ITPR3: variants seen among roughly 807,000 people sequenced by gnomAD.
The protein encoded by ITPR3 is inositol 1,4,5-trisphosphate receptor type 3, also known as inositol 1,4,5-trisphosphate-gated calcium channel ITPR3.
A neutral mutation model predicts 293.2 loss-of-function variants in ITPR3; 173 were observed. The ratio of observed to expected loss-of-function variants is 0.59; its 90% CI spans 0.52 to 0.67. The LOEUF (loss-of-function observed/expected upper bound fraction) is 0.67. ITPR3 is among the 30% of genes least tolerant of loss of function. ITPR3 has a pLI of 0.00. For synonymous variants in ITPR3, 1,295 were observed against 1,444.4 expected, an observed-to-expected ratio of 0.90 and a Z score of 2.35; for missense variants, 2,796 against 3,592.1, an observed-to-expected ratio of 0.78 and a Z score of 5.66.
Position 33,667,178 on chromosome 6 carries a change from C to G in ITPR3, c.1601C>G (p.Pro534Arg). The G allele has an allele frequency of 2.5e-6, 4 of 1,614,134 alleles. No individual in the cohort carries two copies. The highest frequency in any genetic ancestry group is 1.3e-5 in the African/African-American group (1 of 75,026). The stretch of plus-strand genomic sequence containing the variant: ...TTCCGTGAGAAGGGGGGTGAAGGTC[C>G]CCTGGTGCGGCTGGAGGAGCTGTCA... Reference protein sequence around the residue: ...APFREKGGEGPLVRLEELSDQ... With the variant: ...APFREKGGEGRLVRLEELSDQ... The change falls in exon 15 of 58, where the codon CCC becomes CGC. Residue 534 changes from proline to arginine, a missense_variant. By Grantham distance (103) the Pro-to-Arg change is moderately radical (BLOSUM62 -2). Transcript: ENST00000605930. This position sits in a 1 kb window ranked among gnomAD's most constrained non-coding sequence, Gnocchi z 4.4.
Position 33,682,524 on chromosome 6 carries a change from A to G in ITPR3, c.4477A>G (p.Thr1493Ala). 6.6e-7 allele frequency: 1 copy of G among 1,521,932 alleles called. No individual in the cohort carries two copies. The highest frequency in any genetic ancestry group is 8.8e-7 in the Non-Finnish European group (1 of 1,133,176). 94.3% of individuals were successfully genotyped at this position (1,521,932 alleles called of 1,614,324 possible). The change falls in exon 34 of 58, where the codon ACA becomes GCA. Residue 1493 changes from threonine to alanine, a missense_variant and splice_region_variant. By Grantham distance (58) the Thr-to-Ala change is moderately conservative (BLOSUM62 0). Around this residue, in one of 8 missense-constraint regions of ITPR3, gnomAD observed 704 missense variants for 797.5 expected, o/e 0.88. Transcript: ENST00000605930. This position sits in a 1 kb window ranked among gnomAD's most constrained non-coding sequence, Gnocchi z 5.4. ...CAGCGGGCTCTGTGACTTCTTGCAG[A>G]CACACCAGACGATTGTGGTGCAGCT... is the stretch of plus-strand genomic sequence containing the variant. The part of the protein sequence containing the change: ...PFSENSTSLQ[T>A]HQTIVVQLLQ...
intron 2 of ITPR3, among the ~76,000 whole-genome samples, chr6:33,646,071 C>T (rs953298673): frequency 3.3e-5 from 5 of 152,000 alleles, no homozygotes; most frequent in Admixed American, 6.6e-5. Context: ...CTCCTGACCC[C>T]GTGATCCACC....
intron 2 of ITPR3, among the ~76,000 whole-genome samples, chr6:33,646,831 C>T (rs1013321740): frequency 2.6e-5 from 4 of 151,910 alleles, no homozygotes; most frequent in South Asian, 2.1e-4. Context: ...GTGGGAGGAT[C>T]GCATGAGGCC....
chr6:33,683,437 T>A lies in ITPR3; in HGVS notation c.4788+40T>A, dbSNP rs1482920477. 1 of 1,444,112 alleles carries A rather than the reference T, an allele frequency of 6.9e-7. No individual in the cohort carries two copies. The highest frequency in any genetic ancestry group is 2.4e-5 in the Admixed American group (1 of 42,090). 89.5% of individuals were successfully genotyped at this position (1,444,112 alleles called of 1,614,324 possible). The stretch of plus-strand genomic sequence containing the variant: ...GCCTGGCATCTGCCTCGGGAGCTGC[T>A]TGGTTGAGTCAGCAGCTCCCCTACT... On this transcript the variant is annotated intron_variant, in intron 35 of 57. Coordinates refer to ENST00000605930, the MANE Select transcript of ITPR3 (RefSeq NM_002224.4). The surrounding 1 kb of genome is among the most constrained non-coding windows in gnomAD (Gnocchi z 4.5).
chr6:33,637,509 C>A (rs6913427), intron 1 of ITPR3, among the ~76,000 whole-genome samples: 13,987 of 152,248 alleles, frequency 0.092, 712 homozygotes, highest in Non-Finnish European at 0.12. Context: ...CGCTCTTTTG[C>A]CCAGGCTGGA....
At chr6:33,650,932 C>T (rs951588918) in intron 2 of ITPR3, among the ~76,000 whole-genome samples, 1 of 151,984 alleles carries the variant, frequency 6.6e-6, no homozygotes, top group African/African-American at 2.4e-5. Context: ...GTCTGGTTCC[C>T]AAGGATCCCT....
At chr6:33,673,469 C>G (rs1764821727) in intron 22 of ITPR3, 122 bp from the exon 23 acceptor site, 9 of 1,266,612 alleles carry the variant, frequency 7.1e-6, no homozygotes, top group Non-Finnish European at 1.0e-5. Flanking sequence ...GACCCTGCTG[C>G]CCCAAGTGCT....
chr6:33,622,963 C>T (rs1186033977), intron 1 of ITPR3, among the ~76,000 whole-genome samples: 3 of 152,196 alleles, frequency 2.0e-5, no homozygotes, highest in Admixed American at 6.5e-5. Flanking sequence ...CCCCTTCACA[C>T]GTGGAATCCC....
intron 50 of ITPR3, 45 bp downstream of exon 50, chr6:33,689,455 A>G: frequency 6.3e-7 from 1 of 1,595,318 alleles, no homozygotes; most frequent in Non-Finnish European, 8.5e-7. Context: ...GCTCATGCTC[A>G]CTGTGCATTC....
intron 1 of ITPR3, among the ~76,000 whole-genome samples, chr6:33,628,686 C>T (rs1399887204): frequency 6.6e-6 from 1 of 152,150 alleles, no homozygotes; most frequent in Admixed American, 6.5e-5. Flanking sequence ...AGACTCATTG[C>T]AGAGGCTTCA....
chr6:33,644,861 A>T (rs1384292158), intron 2 of ITPR3, among the ~76,000 whole-genome samples: 1 of 151,112 alleles, frequency 6.6e-6, no homozygotes, highest in Non-Finnish European at 1.5e-5. Context: ...ATGGGGTTTC[A>T]TCATGTTGGC....
At position 33,693,363 on chromosome 6, in the gene ITPR3, A is replaced by T. The variant is rs376529260; in HGVS notation, c.7625-182A>T. ...AGGGCTGCAGCTGCGGCAGGGCAGG[A>T]TCTCCACTAAGTGGCTGCTGCTTTA... On this transcript the variant is annotated intron_variant, in intron 55 of 57. Transcript: ENST00000605930. Among the ~76,000 whole-genome samples the T allele has an allele frequency of 1.1e-4, 16 of 152,256 alleles. No homozygotes were observed. The East Asian group carries it at 2.7e-3, about 26-fold the overall frequency.
chr6:33,695,782 G>C lies in ITPR3; in HGVS notation c.*2G>C, dbSNP rs777597260. 3.1e-6 allele frequency: 5 copies of C among 1,614,036 alleles called. No homozygotes were observed. In the East Asian group the frequency reaches 1.1e-4, roughly 36 times the overall value. On this transcript the variant is annotated 3_prime_UTR_variant, in exon 58 of 58. Coordinates refer to ENST00000605930, the MANE Select transcript of ITPR3 (RefSeq NM_002224.4). ...GTCCAGAACTGCATTAGCCGCTGAG[G>C]AGAGCCACCGAAGGCCCCAACAGGG...
Position 33,666,042 on chromosome 6 carries a change from C to T in ITPR3, c.1551+66C>T. 11 of 1,516,438 alleles carry T rather than the reference C, an allele frequency of 7.3e-6. No individual in the cohort carries two copies. The highest frequency in any genetic ancestry group is 3.6e-5 in the South Asian group (3 of 83,010). 93.9% of individuals were successfully genotyped at this position (1,516,438 alleles called of 1,614,324 possible). A position where few individuals can be genotyped will look rare whatever the true frequency, so the allele number is the denominator to read the frequency against. The stretch of plus-strand genomic sequence containing the variant: ...CCCGGGAGAGGGATGCCTTCAACTG[C>T]AGGCTCATCCCCCGCTTTAACAAAA... On this transcript the variant is annotated intron_variant, in intron 14 of 57. Coordinates refer to ENST00000605930, the MANE Select transcript of ITPR3 (RefSeq NM_002224.4). The surrounding 1 kb of genome is among the most constrained non-coding windows in gnomAD (Gnocchi z 5.1).
Position 33,683,202 on chromosome 6 carries a change from C to T in ITPR3, c.4598-5C>T. On this transcript the variant is annotated splice_region_variant and splice_polypyrimidine_tract_variant and intron_variant, in intron 34 of 57. Coordinates refer to ENST00000605930, the MANE Select transcript of ITPR3 (RefSeq NM_002224.4). This position sits in a 1 kb window ranked among gnomAD's most constrained non-coding sequence, Gnocchi z 4.5. ...CACTCCAGCACTCCCTCCCTTCCCA[C>T]CCAGCCAAGGGCCGGGCCATCTTGC... is the stretch of plus-strand genomic sequence containing the variant. The T allele has an allele frequency of 6.6e-7, 1 of 1,512,564 alleles. No homozygotes were observed. Among genetic ancestry groups the T allele is most frequent in the South Asian group, 1.3e-5 (1 of 78,626 alleles). The allele number at this position is 1,512,564 out of a possible 1,614,324, so 93.7% of individuals were successfully genotyped here. A position where few individuals can be genotyped will look rare whatever the true frequency, so the allele number is the denominator to read the frequency against.
rs76511125 is a variant in ITPR3 at position 33,664,227 on chromosome 6, C to T, written c.1148+347C>T. 3.9e-3 allele frequency among the ~76,000 whole-genome samples: 596 copies of T among 152,268 alleles called. 5 individuals carry two copies. The highest frequency in any genetic ancestry group is 0.013 in the African/African-American group (532 of 41,552). ...TCCCGCCAACCCCGAGATTCTAGGA[C>T]GGAACATCAAGAAACTTCTCAAGTG... is the stretch of plus-strand genomic sequence containing the variant. On this transcript the variant is annotated intron_variant, in intron 11 of 57. Coordinates refer to ENST00000605930, the MANE Select transcript of ITPR3 (RefSeq NM_002224.4). The surrounding 1 kb of genome is among the most constrained non-coding windows in gnomAD (Gnocchi z 4.4).
At chr6:33,678,333 A>C (rs1177633091) in intron 28 of ITPR3, 88 bp from the exon 29 acceptor site, 1 of 1,552,004 alleles carries the variant, frequency 6.4e-7, no homozygotes, top group Non-Finnish European at 8.8e-7. Context: ...CCCAAGCCCG[A>C]CCCACCCCTG....
In ITPR3 at chr6:33,690,067, G is replaced by A. The variant is rs768511923; in HGVS notation, c.6901G>A (p.Val2301Met). Residue 2301 changes from valine to methionine, a missense_variant, in exon 51 of 58, where the codon GTG becomes ATG. Physicochemically the swap from Val to Met is conservative, Grantham distance 21. Transcript: ENST00000605930. ...CAAGATCGTGTTTGTGGTGAGCTTC[G>A]TGGGCAACCGTGGCACCTTCATCCG... Reference protein sequence around the residue: ...TNKIVFVVSFVGNRGTFIRGY... With the variant: ...TNKIVFVVSFMGNRGTFIRGY... 9.9e-6 allele frequency: 16 copies of A among 1,614,190 alleles called. No individual in the cohort carries two copies. Among genetic ancestry groups the A allele is most frequent in the Non-Finnish European group, 1.3e-5 (15 of 1,180,030 alleles).
chr6:33,660,366 C>T (rs1331260418), intron 7 of ITPR3, among the ~76,000 whole-genome samples: 1 of 151,972 alleles, frequency 6.6e-6, no homozygotes, highest in African/African-American at 2.4e-5. Flanking sequence ...TCGGAAGCTG[C>T]AATGGCTCCC....
Sources: allele counts gnomAD v4.1 joint callset (sites outside exome capture counted in the v4.1 genomes callset), GRCh38; gene constraint gnomAD v4.1.1; regional missense constraint gnomAD v4.1.1; non-coding constraint Gnocchi (gnomAD v3.1); transcripts MANE v1.5; gene names NCBI Gene and HGNC (gene_info 2026-07-23, HGNC 2026-07-21).